RFX3: variants seen among roughly 807,000 people sequenced by gnomAD.
RFX3 encodes regulatory factor X3, also known as transcription factor RFX3.
RFX3 carries 14 observed loss-of-function variants against 98.6 expected under a neutral mutation model. That is an observed-to-expected ratio of 0.14 (90% confidence interval 0.09 to 0.22). The LOEUF (loss-of-function observed/expected upper bound fraction) is 0.22, where lower values mean the gene tolerates loss of function less well. Ranked by LOEUF, RFX3 falls within the 10% of genes least tolerant of loss-of-function variation. RFX3 has a pLI of 1.00. For synonymous variants in RFX3, 383 were observed against 328.4 expected, an observed-to-expected ratio of 1.17 and a Z score of -1.80; for missense variants, 639 against 926.9, an observed-to-expected ratio of 0.69 and a Z score of 4.03.
rs1825093817 is a variant in RFX3, at chr9:3,275,511, C to T, written c.1075G>A (p.Glu359Lys). 1 of 1,590,984 alleles carries T rather than the reference C, an allele frequency of 6.3e-7. No homozygotes were observed. Among genetic ancestry groups the T allele is most frequent in the African/African-American group, 1.3e-5 (1 of 74,398 alleles). The change falls in exon 9 of 17, where the codon GAG (glutamate) becomes AAG (lysine). Residue 359 changes from glutamate to lysine, a missense_variant. By Grantham distance (56) the Glu-to-Lys change is moderately conservative. This residue lies in a region of RFX3 where 6 missense variants were observed against 34.5 expected (regional missense o/e 0.17). Coordinates refer to ENST00000617270, the MANE Select transcript of RFX3 (RefSeq NM_001282116.2). ...DIKSLQSLYR[E>K]HCEAILDVVV... ...TTGAAAAGACTTACCTCACAGTGCT[C>T]TCTATAAAGACTCTGCAGTGACTTG... is the stretch of plus-strand genomic sequence containing the variant.
intron 2 of RFX3, among the ~76,000 whole-genome samples, chr9:3,394,322 G>A (rs1840631977): frequency 6.6e-6 from 1 of 152,062 alleles, no homozygotes; most frequent in African/African-American, 2.4e-5. Context: ...AATTAGCCAG[G>A]CGTGGTGGCA....
At chr9:3,340,869 A>C (rs1439363355) in intron 3 of RFX3, among the ~76,000 whole-genome samples, 1 of 152,204 alleles carries the variant, frequency 6.6e-6, no homozygotes, top group African/African-American at 2.4e-5. Context: ...ATCTAGAACT[A>C]GAAATACCAT....
At chr9:3,525,274 G>T (rs1414711156) in intron 1 of RFX3, among the ~76,000 whole-genome samples, 1 of 152,170 alleles carries the variant, frequency 6.6e-6, no homozygotes, top group Non-Finnish European at 1.5e-5. Context: ...TCCCCCCCTT[G>T]CACACTGTTG....
intron 1 of RFX3, among the ~76,000 whole-genome samples, chr9:3,415,671 T>G (rs918868785): frequency 2.6e-5 from 4 of 152,158 alleles, no homozygotes; most frequent in Non-Finnish European, 5.9e-5. Context: ...ACAGTCTCCC[T>G]GAAATATTTT....
intron 1 of RFX3, among the ~76,000 whole-genome samples, chr9:3,478,380 G>C (rs538662623): frequency 6.9e-6 from 1 of 145,738 alleles, no homozygotes; most frequent in South Asian, 2.2e-4. Context: ...ATTCCCCGTA[G>C]TGTGTGGCCA....
intron 14 of RFX3, among the ~76,000 whole-genome samples, chr9:3,249,747 T>G (rs1407053229): frequency 6.6e-6 from 1 of 151,990 alleles, no homozygotes; most frequent in Non-Finnish European, 1.5e-5. Flanking sequence ...GATCATATAA[T>G]TTTTTGTAAG....
chr9:3,258,670 G>A (rs1345419375), intron 13 of RFX3, among the ~76,000 whole-genome samples: 7 of 151,698 alleles, frequency 4.6e-5, no homozygotes, highest in Non-Finnish European at 8.8e-5. Context: ...AAAAAACTGT[G>A]AATACAAATA....
At chr9:3,261,526 T>A (rs1188556721) in intron 13 of RFX3, among the ~76,000 whole-genome samples, 1 of 152,172 alleles carries the variant, frequency 6.6e-6, no homozygotes, top group Non-Finnish European at 1.5e-5. Flanking sequence ...ATAGATCACA[T>A]TTTGTTTATC....
chr9:3,412,135 G>T (rs1842512945), intron 1 of RFX3, among the ~76,000 whole-genome samples: 1 of 152,106 alleles, frequency 6.6e-6, no homozygotes, highest in South Asian at 2.1e-4. Context: ...TATCTGATTT[G>T]AGTATTCCTG....
chr9:3,257,532 G>C (rs898291584), intron 13 of RFX3, among the ~76,000 whole-genome samples: 1 of 152,112 alleles, frequency 6.6e-6, no homozygotes, highest in Non-Finnish European at 1.5e-5. Context: ...ACAGTAGGCA[G>C]GGTCTTTCAT....
chr9:3,424,160 G>C (rs918951319), intron 1 of RFX3, among the ~76,000 whole-genome samples: 3 of 150,478 alleles, frequency 2.0e-5, no homozygotes, highest in African/African-American at 7.3e-5. Context: ...AAAAAAAGAA[G>C]AAGAACTAGG....
In RFX3 at chr9:3,269,273, T is replaced by A. The variant is rs530955204; in HGVS notation, c.1357+1098A>T. On this transcript the variant is annotated intron_variant, in intron 11 of 16. Coordinates refer to ENST00000617270, the MANE Select transcript of RFX3 (RefSeq NM_001282116.2). ...AAGGTGGCCGGGAACATATTAAAGA[T>A]CTCATACCTTCTACTGTTGTCTATT... 3.9e-5 allele frequency among the ~76,000 whole-genome samples: 6 copies of A among 152,148 alleles called. No homozygotes were observed. In the South Asian group the frequency reaches 1.0e-3, roughly 26 times the overall value.
At chr9:3,396,605 G>C (rs1487126487) in intron 1 of RFX3, among the ~76,000 whole-genome samples, 1 of 150,384 alleles carries the variant, frequency 6.6e-6, no homozygotes, top group Non-Finnish European at 1.5e-5. Context: ...AGATCCCTGA[G>C]GAATCGCCAC....
At chr9:3,333,657 G>A (rs1245405179) in intron 3 of RFX3, among the ~76,000 whole-genome samples, 1 of 152,008 alleles carries the variant, frequency 6.6e-6, no homozygotes, top group East Asian at 1.9e-4. Context: ...CCACTTAACT[G>A]TGCTTAAAAT....
intron 5 of RFX3, among the ~76,000 whole-genome samples, chr9:3,298,209 G>T (rs939862058): frequency 1.3e-5 from 2 of 151,736 alleles, no homozygotes; most frequent in Admixed American, 1.3e-4. Flanking sequence ...CTTTTTAAAA[G>T]ATGAGATTGT....
At chr9:3,445,828 G>A (rs1213569740) in intron 1 of RFX3, among the ~76,000 whole-genome samples, 1 of 152,064 alleles carries the variant, frequency 6.6e-6, no homozygotes, top group Non-Finnish European at 1.5e-5. Flanking sequence ...AAAATGCAAT[G>A]CATTTGTACT....
chr9:3,291,522 T>G (rs1165303954), intron 6 of RFX3, among the ~76,000 whole-genome samples: 1 of 152,190 alleles, frequency 6.6e-6, no homozygotes, highest in Non-Finnish European at 1.5e-5. Flanking sequence ...CCAATCATGT[T>G]TCTCCAGAAC....
At chr9:3,475,875 C>T (rs1245181211) in intron 1 of RFX3, among the ~76,000 whole-genome samples, 2 of 152,148 alleles carry the variant, frequency 1.3e-5, no homozygotes, top group East Asian at 3.9e-4. Flanking sequence ...CCTTCCCAGT[C>T]TGCTAAGTAG....
chr9:3,514,447 G>A lies in RFX3; in HGVS notation c.-9+11300C>T, dbSNP rs150074593. Reference sequence around the variant, plus strand: ...AATTTTTTTAACCAAGTTGTGTTTTGTTTTGTTTTGTTTTGTTTTGCTTTG... The same window carrying A: ...AATTTTTTTAACCAAGTTGTGTTTTATTTTGTTTTGTTTTGTTTTGCTTTG... On this transcript the variant is annotated intron_variant, in intron 1 of 16. Transcript: ENST00000617270. 5.9e-3 allele frequency among the ~76,000 whole-genome samples: 899 copies of A among 151,376 alleles called. 9 individuals are homozygous for A. Among genetic ancestry groups the A allele is most frequent in the Admixed American group, 7.7e-3 (118 of 15,246 alleles).
Sources: allele counts gnomAD v4.1 joint callset (sites outside exome capture counted in the v4.1 genomes callset), GRCh38; gene constraint gnomAD v4.1.1; regional missense constraint gnomAD v4.1.1; transcripts MANE v1.5; gene names NCBI Gene and HGNC (gene_info 2026-07-23, HGNC 2026-07-21).